Variants in RPL26L1 observed in about 807,000 individuals in gnomAD.
RPL26L1 encodes the protein ribosomal protein L26 like 1, also known as ribosomal protein uL24-like.
A neutral mutation model predicts 15.2 loss-of-function variants in RPL26L1; 8 were observed. That is an observed-to-expected ratio of 0.53 (90% CI 0.31 to 0.95). The LOEUF (loss-of-function observed/expected upper bound fraction) is 0.95, where lower values mean the gene tolerates loss of function less well. Among genes scored for constraint, RPL26L1 ranks in the 40% least tolerant of loss-of-function variants. The probability of loss-of-function intolerance (pLI) is 0.05; values close to 1 mark genes in which losing one functional copy is unlikely to be tolerated. For missense variants in RPL26L1, 146 were observed against 190.9 expected (o/e 0.76, Z 1.39); for synonymous variants, 51 against 65.9 (o/e 0.77, Z 1.09).
intron 2 of RPL26L1, among the ~76,000 whole-genome samples, chr5:172,960,520 A>AGT (rs1317390697): frequency 6.6e-6 from 1 of 152,074 alleles, no homozygotes; most frequent in Non-Finnish European, 1.5e-5. Flanking sequence ...CAGTGAGAGT[A>AGT]GTGTTTTAGT....
Position 172,968,803 on chromosome 5 carries a change from C to CTTTTTTTTTTTTTTTTTTTT in RPL26L1, c.309+208_309+227dup, listed in dbSNP as rs539398008. On this transcript the variant is annotated intron_variant, in intron 3 of 3. Transcript: ENST00000265100. ...TTGCCTTTCTTGGTGATGGCTGTGT[C>CTTTTTTTTTTTTTTTTTTTT]TTTTTTTTTTTTTTTTTTTTTTTGA... 4.0e-5 allele frequency among the ~76,000 whole-genome samples: 3 copies of CTTTTTTTTTTTTTTTTTTTT among 74,366 alleles called. 1 individual carries two copies. Among genetic ancestry groups the CTTTTTTTTTTTTTTTTTTTT allele is most frequent in the South Asian group, 1.3e-3 (2 of 1,506 alleles). 48.8% of individuals were successfully genotyped at this position (74,366 alleles called of 152,430 possible). A position where few individuals can be genotyped will look rare whatever the true frequency, so the allele number is the denominator to read the frequency against.
At chr5:172,960,578 C>T (rs755427790) in intron 2 of RPL26L1, among the ~76,000 whole-genome samples, 41 of 140,252 alleles carry the variant, frequency 2.9e-4, no homozygotes, top group Non-Finnish European at 5.7e-4. Flanking sequence ...TGGGAGCTGG[C>T]CATGTGATAG....
In RPL26L1 at chr5:172,969,465, G is replaced by A. The variant is rs759774346; in HGVS notation, c.362G>A (p.Arg121His). 10 of 1,613,478 alleles carry A rather than the reference G, an allele frequency of 6.2e-6. No individual in the cohort carries two copies. The highest frequency in any genetic ancestry group is 6.8e-6 in the Non-Finnish European group (8 of 1,179,660). Reference protein sequence around the residue: ...LDKDRKKILERKAKSRQVGKE... With the variant: ...LDKDRKKILEHKAKSRQVGKE... ...AAGGATCGGAAAAAAATTCTTGAAC[G>A]CAAAGCCAAGTCTCGACAAGTTGGA... The change falls in exon 4 of 4, where the codon CGC becomes CAC. Residue 121 changes from arginine (R) to histidine (H), a missense_variant. Transcript: ENST00000265100.
intron 2 of RPL26L1, 151 bp from the exon 3 acceptor site, chr5:172,968,308 T>A: frequency 1.1e-6 from 1 of 945,120 alleles, no homozygotes; most frequent in Non-Finnish European, 1.6e-6. Flanking sequence ...AACACAGATT[T>A]ATATCAGAAA....
chr5:172,959,499 T>G, intron 1 of RPL26L1, 31 bp downstream of exon 1: 2 of 1,041,076 alleles, frequency 1.9e-6, no homozygotes, highest in Non-Finnish European at 2.3e-6. Context: ...TCTCGGACAG[T>G]GAACTCTACC....
intron 2 of RPL26L1, among the ~76,000 whole-genome samples, chr5:172,962,588 C>T (rs899979647): frequency 1.3e-5 from 2 of 151,628 alleles, no homozygotes; most frequent in African/African-American, 2.4e-5. Context: ...GAGGCTGTGG[C>T]AGGCAGATCA....
At chr5:172,961,644 T>C (rs1755237610) in intron 2 of RPL26L1, among the ~76,000 whole-genome samples, 2 of 152,242 alleles carry the variant, frequency 1.3e-5, no homozygotes, top group African/African-American at 4.8e-5. Flanking sequence ...TACTTTGACG[T>C]AGATCACTAA....
rs769219378 is a variant in RPL26L1 at position 172,960,007 on chromosome 5, G to A, written c.134G>A (p.Arg45His). 1.9e-6 allele frequency: 3 copies of A among 1,614,154 alleles called. No individual in the cohort carries two copies. In the Admixed American group the frequency reaches 5.0e-5, roughly 27 times the overall value. Residue 45 changes from arginine to histidine, a missense_variant, in exon 2 of 4, where the codon CGC becomes CAC. Arg to His is a conservative substitution (Grantham distance 29, BLOSUM62 0). Coordinates refer to ENST00000265100, the MANE Select transcript of RPL26L1 (RefSeq NM_016093.4). ...GAGCTGCGGCAGAAGTACAATGTCCGCTCCATGCCCATCCGCAAGGACGAC... is the reference window on the plus strand; with the variant it reads ...GAGCTGCGGCAGAAGTACAATGTCCACTCCATGCCCATCCGCAAGGACGAC... ...SKELRQKYNVRSMPIRKDDEV... is the reference protein window; with the variant it reads ...SKELRQKYNVHSMPIRKDDEV...
intron 2 of RPL26L1, among the ~76,000 whole-genome samples, chr5:172,967,710 A>T (rs1755508364): frequency 6.6e-6 from 1 of 151,706 alleles, no homozygotes; most frequent in Admixed American, 6.6e-5. Flanking sequence ...TTATATATAT[A>T]TTTTATCCCA....
chr5:172,967,852 T>C (rs1755521860), intron 2 of RPL26L1, among the ~76,000 whole-genome samples: 1 of 151,634 alleles, frequency 6.6e-6, no homozygotes, highest in Non-Finnish European at 1.5e-5. Flanking sequence ...GTATGTTACA[T>C]ATAAGTACAT....
At chr5:172,958,776 G>C (rs550803419), upstream of RPL26L1, 10 of 219,076 alleles carry the variant, frequency 4.6e-5, no homozygotes, top group East Asian at 1.0e-4. Flanking sequence ...GGCCAGGCAC[G>C]GGCAGAAGGG....
chr5:172,956,962 C>A, upstream of RPL26L1: 1 of 251,584 alleles, frequency 4.0e-6, no homozygotes, highest in South Asian at 3.8e-5. Flanking sequence ...ATCCTGACAC[C>A]AAACCAATGA....
At chr5:172,959,687 G>A in intron 1 of RPL26L1, 178 bp from the exon 2 acceptor site, 2 of 1,071,082 alleles carry the variant, frequency 1.9e-6, no homozygotes, top group East Asian at 2.8e-5. Context: ...CTCCACACAC[G>A]CCTCACTTTA....
intron 2 of RPL26L1, among the ~76,000 whole-genome samples, chr5:172,963,082 A>C (rs1755304501): frequency 6.6e-6 from 1 of 151,872 alleles, no homozygotes; most frequent in Non-Finnish European, 1.5e-5. Flanking sequence ...TGTGCTTATA[A>C]AATCTAAAAT....
chr5:172,969,385 TAAAG>T, intron 3 of RPL26L1, 24 bp from the exon 4 acceptor site: 8 of 1,609,544 alleles, frequency 5.0e-6, no homozygotes, highest in Non-Finnish European at 6.8e-6. Context: ...GATGCAGAAA[TAAAG>T]ACCTGTTTTC....
rs773507352 is a variant in RPL26L1, at chr5:172,968,540, C to T, written c.250C>T (p.Arg84Trp). 2.0e-5 allele frequency: 33 copies of T among 1,613,948 alleles called. No homozygotes were observed. Among genetic ancestry groups the T allele is most frequent in the Admixed American group, 1.0e-4 (6 of 59,990 alleles). ...YRKKYVIYIE[R>W]VQREKANGTT... The stretch of plus-strand genomic sequence containing the variant: ...AAAGAAATATGTCATCTACATCGAG[C>T]GGGTGCAGCGTGAGAAGGCCAACGG... The change falls in exon 3 of 4, where the codon CGG (arginine) becomes TGG (tryptophan). Residue 84 changes from arginine to tryptophan, a missense_variant. Physicochemically the swap from Arg to Trp is moderately radical, Grantham distance 101 (BLOSUM62 -3). Transcript: ENST00000265100.
At chr5:172,962,920 G>A (rs928723027) in intron 2 of RPL26L1, among the ~76,000 whole-genome samples, 1 of 151,252 alleles carries the variant, frequency 6.6e-6, no homozygotes, top group Non-Finnish European at 1.5e-5. Context: ...AAAATAAAAT[G>A]ATTTCAAATT....
intron 2 of RPL26L1, among the ~76,000 whole-genome samples, chr5:172,961,837 C>G (rs1755243419): frequency 6.6e-6 from 1 of 152,214 alleles, no homozygotes; most frequent in Non-Finnish European, 1.5e-5. Context: ...ATCTGACTAC[C>G]TATAACACAG....
At chr5:172,964,756 A>G (rs1755384859) in intron 2 of RPL26L1, among the ~76,000 whole-genome samples, 1 of 152,230 alleles carries the variant, frequency 6.6e-6, no homozygotes, top group Admixed American at 6.5e-5. Flanking sequence ...TTCTCTGAGT[A>G]GGTGATGGTT....
Sources: gnomAD v4.1 joint callset for allele counts (sites outside exome capture counted in the v4.1 genomes callset) on GRCh38, gnomAD v4.1.1 for gene constraint, MANE v1.5 for transcripts, NCBI Gene and HGNC (gene_info 2026-07-23, HGNC 2026-07-21) for gene names.